The following PPIL6 variants were observed in gnomAD, a reference collection of about 807,000 sequenced individuals.
PPIL6 encodes peptidylprolyl isomerase like 6.
Under a neutral mutation model 36.8 loss-of-function variants are expected in PPIL6, and 39 were observed. The observed-to-expected ratio is 1.06, with a 90% CI of 0.82 to 1.38. PPIL6 has a LOEUF of 1.38. Ranked by LOEUF, PPIL6 falls within the 40% of genes most tolerant of loss-of-function variation. The probability of loss-of-function intolerance (pLI) is 0.00; values close to 1 mark genes in which losing one functional copy is unlikely to be tolerated. For missense variants in PPIL6, 368 were observed against 379.1 expected (o/e 0.97, Z 0.24); for synonymous variants, 123 against 134.1 (o/e 0.92, Z 0.57).
intron 5 of PPIL6, among the ~76,000 whole-genome samples, chr6:109,421,786 C>T (rs970822846): frequency 6.6e-6 from 1 of 152,042 alleles, no homozygotes; most frequent in Non-Finnish European, 1.5e-5. Flanking sequence ...TGCCTGTAAT[C>T]CCAGCACTTT....
upstream of PPIL6, chr6:109,440,707 G>T (rs1220125071): frequency 2.6e-6 from 2 of 768,520 alleles, no homozygotes; most frequent in Admixed American, 5.0e-5. Context: ...AGGGCGGCCC[G>T]TGGCGGCTGG....
At chr6:109,406,057 A>G (rs963883881) in intron 6 of PPIL6, among the ~76,000 whole-genome samples, 2 of 151,614 alleles carry the variant, frequency 1.3e-5, no homozygotes, top group African/African-American at 4.9e-5. Flanking sequence ...TTGTTTTTTG[A>G]GGCAGGGTCT....
Position 109,427,077 on chromosome 6 carries a change from A to C in PPIL6, c.483+17T>G. On this transcript the variant is annotated intron_variant, in intron 4 of 7. Coordinates refer to ENST00000521072, the MANE Select transcript of PPIL6 (RefSeq NM_173672.5). Reference sequence around the variant, plus strand: ...AGATCCTACCCCCACAAACTTACATATAAAAAAAAGTATCACCTCAAAAAT... The same window carrying C: ...AGATCCTACCCCCACAAACTTACATCTAAAAAAAAGTATCACCTCAAAAAT... 6.2e-7 allele frequency: 1 copy of C among 1,603,690 alleles called. No individual in the cohort carries two copies. Among genetic ancestry groups the C allele is most frequent in the Non-Finnish European group, 8.5e-7 (1 of 1,171,386 alleles).
chr6:109,397,895 C>A (rs975882798), intron 7 of PPIL6, among the ~76,000 whole-genome samples: 3 of 143,448 alleles, frequency 2.1e-5, no homozygotes, highest in African/African-American at 5.0e-5. Context: ...GGATTTAAAA[C>A]TTTTTTTTTT....
chr6:109,422,957 C>G (rs575593196), intron 5 of PPIL6, among the ~76,000 whole-genome samples: 1 of 152,228 alleles, frequency 6.6e-6, no homozygotes, highest in Non-Finnish European at 1.5e-5. Flanking sequence ...TAACCTTCAG[C>G]CAACTCACAC....
intron 7 of PPIL6, among the ~76,000 whole-genome samples, chr6:109,394,457 A>T (rs1318730431): frequency 6.6e-6 from 1 of 150,482 alleles, no homozygotes; most frequent in Non-Finnish European, 1.5e-5. Context: ...TGGGGAGTGG[A>T]GCTAGACTTC....
intron 3 of PPIL6, among the ~76,000 whole-genome samples, chr6:109,429,866 C>T (rs1055118738): frequency 2.6e-5 from 4 of 152,138 alleles, no homozygotes; most frequent in Admixed American, 2.0e-4. Context: ...TTTTCGCCTT[C>T]GATCAATCAG....
At chr6:109,434,425 TTGTGTG>T (rs938509136) in intron 2 of PPIL6, among the ~76,000 whole-genome samples, 18 of 151,506 alleles carry the variant, frequency 1.2e-4, no homozygotes, top group East Asian at 1.2e-3. Context: ...ATATGTGTGT[TTGTGTG>T]TGTGTGTGGG....
rs775997628 is a variant in PPIL6 at position 109,392,863 on chromosome 6, A to G, written c.899T>C (p.Met300Thr). 152 of 1,603,886 alleles carry G rather than the reference A, an allele frequency of 9.5e-5. 2 individuals carry two copies. The South Asian group carries it at 9.5e-4, about 10-fold the overall frequency. The part of the protein sequence containing the change: ...VPTQNERPIH[M>T]CRITDSGDPY... ...ATCTCCACTGTCAGTAATTCTACACATATGTATTGGTCTTTCATTCTGTGT... is the reference window on the plus strand; with the variant it reads ...ATCTCCACTGTCAGTAATTCTACACGTATGTATTGGTCTTTCATTCTGTGT... The change falls in exon 8 of 8, where the codon ATG becomes ACG. Residue 300 changes from methionine (M) to threonine (T), a missense_variant. Coordinates refer to ENST00000521072, the MANE Select transcript of PPIL6 (RefSeq NM_173672.5).
In PPIL6 at chr6:109,440,524, G is replaced by A. The variant is rs1381726889; in HGVS notation, c.67C>T (p.Pro23Ser). The stretch of plus-strand genomic sequence containing the variant: ...AGCCCCACCACCTTCACCTGCAGCG[G>A]CCGCTCCGGCAGCGACGGCGAGCCG... ...RCGSPSLPER[P>S]LQVKVVGLFS... The change falls in exon 1 of 8, where the codon CCG (proline) becomes TCG (serine). Residue 23 changes from proline (P) to serine (S), a missense_variant. Transcript: ENST00000521072. 1.3e-6 allele frequency: 2 copies of A among 1,505,206 alleles called. No individual in the cohort carries two copies. The allele number at this position is 1,505,206 out of a possible 1,614,324, so 93.2% of individuals were successfully genotyped here.
chr6:109,427,779 TACC>T (rs1773903460), intron 3 of PPIL6, among the ~76,000 whole-genome samples: 2 of 152,218 alleles, frequency 1.3e-5, no homozygotes, highest in African/African-American at 4.8e-5. Context: ...CCTAGATATC[TACC>T]ACATCACAAC....
intron 1 of PPIL6, among the ~76,000 whole-genome samples, chr6:109,436,434 G>C (rs1042668614): frequency 1.3e-5 from 2 of 152,216 alleles, no homozygotes; most frequent in South Asian, 4.1e-4. Flanking sequence ...CTATGTCTTA[G>C]AGGCTGGGCG....
chr6:109,402,843 G>A (rs1772617346), intron 6 of PPIL6, among the ~76,000 whole-genome samples: 1 of 151,038 alleles, frequency 6.6e-6, no homozygotes, highest in African/African-American at 2.4e-5. Flanking sequence ...TCGCTCAGTG[G>A]TCATGCCGTA....
intron 7 of PPIL6, among the ~76,000 whole-genome samples, chr6:109,398,693 G>A (rs1460877090): frequency 6.6e-6 from 1 of 152,098 alleles, no homozygotes; most frequent in Non-Finnish European, 1.5e-5. Flanking sequence ...AAATCGTTCA[G>A]TAAAAAAAGT....
chr6:109,425,765 A>G (rs1236972697), intron 5 of PPIL6, among the ~76,000 whole-genome samples: 1 of 151,886 alleles, frequency 6.6e-6, no homozygotes, highest in Non-Finnish European at 1.5e-5. Context: ...AAAAAAAAAA[A>G]AAAAGAACAC....
At position 109,400,025 on chromosome 6, in the gene PPIL6, A is replaced by G; in HGVS notation, c.824+10T>C. ...TGAATATTATATAAATAGATCTACA[A>G]TATACATACCCAAAAGCCACAAATT... On this transcript the variant is annotated intron_variant, in intron 7 of 7. Transcript: ENST00000521072. 2 of 1,600,836 alleles carry G rather than the reference A, an allele frequency of 1.2e-6. No individual in the cohort carries two copies. The highest frequency in any genetic ancestry group is 1.7e-6 in the Non-Finnish European group (2 of 1,169,732).
chr6:109,415,881 T>G (rs1773230687), intron 6 of PPIL6, among the ~76,000 whole-genome samples: 1 of 152,178 alleles, frequency 6.6e-6, no homozygotes, highest in African/African-American at 2.4e-5. Flanking sequence ...GGTGTTGAAC[T>G]CATGGTGTTC....
chr6:109,433,185 T>C (rs531229107), intron 2 of PPIL6, among the ~76,000 whole-genome samples: 4 of 151,958 alleles, frequency 2.6e-5, no homozygotes, highest in African/African-American at 9.7e-5. Context: ...GCCTCCCGAG[T>C]AGCTGGGATT....
At chr6:109,423,230 T>C (rs1487232940) in intron 5 of PPIL6, among the ~76,000 whole-genome samples, 2 of 152,010 alleles carry the variant, frequency 1.3e-5, no homozygotes, top group African/African-American at 4.8e-5. Context: ...TAGCTGGGCA[T>C]GGTGGCGCGT....
Sources: allele counts gnomAD v4.1 joint callset (sites outside exome capture counted in the v4.1 genomes callset), GRCh38; gene constraint gnomAD v4.1.1; transcripts MANE v1.5; gene names NCBI Gene and HGNC (gene_info 2026-07-23, HGNC 2026-07-21).